TBC1D4: variants seen among roughly 807,000 people sequenced by gnomAD.
TBC1D4 encodes the protein TBC1 domain family member 4.
TBC1D4 carries 121 observed loss-of-function variants against 142.5 expected under a neutral mutation model. The observed-to-expected ratio is 0.85, with a 90% CI of 0.73 to 0.99. The LOEUF is 0.99. TBC1D4 is among the 50% of genes least tolerant of loss of function. The pLI is 0.00. For synonymous variants in TBC1D4, 630 were observed against 628.2 expected (o/e 1.00, Z -0.04); for missense variants, 1,475 against 1,606.6 (o/e 0.92, Z 1.40).
intron 1 of TBC1D4, among the ~76,000 whole-genome samples, chr13:75,390,275 G>A (rs563280154): frequency 5.8e-3 from 115 of 19,760 alleles, no homozygotes; most frequent in South Asian, 0.015. Flanking sequence ...GAGAGACTCC[G>A]TCAAAAAAAA....
At chr13:75,461,293 G>C (rs1887956307) in intron 1 of TBC1D4, among the ~76,000 whole-genome samples, 5 of 152,248 alleles carry the variant, frequency 3.3e-5, no homozygotes, top group Admixed American at 2.6e-4. Flanking sequence ...ATGCAAGTAA[G>C]GGCTTAAGAG....
chr13:75,459,327 C>G (rs903102670), intron 1 of TBC1D4, among the ~76,000 whole-genome samples: 4 of 152,144 alleles, frequency 2.6e-5, no homozygotes, highest in Admixed American at 2.0e-4. Flanking sequence ...TATTCCTTGC[C>G]TAATACCTAA....
intron 17 of TBC1D4, among the ~76,000 whole-genome samples, chr13:75,297,430 T>C (rs1379398060): frequency 6.6e-6 from 1 of 152,154 alleles, no homozygotes; most frequent in African/African-American, 2.4e-5. Context: ...ATTGAATTCC[T>C]TACAAGACCA....
chr13:75,312,497 C>A (rs1877875970), intron 13 of TBC1D4, among the ~76,000 whole-genome samples: 1 of 151,734 alleles, frequency 6.6e-6, no homozygotes, highest in Non-Finnish European at 1.5e-5. Flanking sequence ...TTCCGTCTAC[C>A]TTGTGGAGTA....
chr13:75,440,889 T>C (rs1887010943), intron 1 of TBC1D4, among the ~76,000 whole-genome samples: 1 of 152,130 alleles, frequency 6.6e-6, no homozygotes, highest in East Asian at 1.9e-4. Flanking sequence ...TATTTTAATA[T>C]TAATTTATAA....
At chr13:75,340,117 A>AGGACATGAT (rs1880556909) in intron 7 of TBC1D4, among the ~76,000 whole-genome samples, 1 of 149,070 alleles carries the variant, frequency 6.7e-6, no homozygotes, top group Non-Finnish European at 1.5e-5. Context: ...TTCTCTGGAG[A>AGGACATGAT]GGACATGATT....
chr13:75,334,854 T>C (rs1880065280), intron 8 of TBC1D4, among the ~76,000 whole-genome samples: 1 of 152,190 alleles, frequency 6.6e-6, no homozygotes, highest in East Asian at 1.9e-4. Context: ...TACCTCCAAG[T>C]TGAATCCAAC....
rs760098691 is a variant in TBC1D4, at chr13:75,349,163, A to C, written c.1408+7T>G. The C allele has an allele frequency of 1.2e-6, 2 of 1,613,988 alleles. No homozygotes were observed. The highest frequency in any genetic ancestry group is 1.7e-6 in the Non-Finnish European group (2 of 1,179,904). On this transcript the variant is annotated splice_region_variant and intron_variant, in intron 5 of 20. Coordinates refer to ENST00000377636, the MANE Select transcript of TBC1D4 (RefSeq NM_014832.5). ...TTCTCTTTTGCCAAAGCCACATTAA[A>C]CTGTACCTTCAATCCTTTCACAGAG...
At chr13:75,417,210 G>A (rs1389508643) in intron 1 of TBC1D4, among the ~76,000 whole-genome samples, 1 of 152,044 alleles carries the variant, frequency 6.6e-6, no homozygotes, top group Non-Finnish European at 1.5e-5. Context: ...CTGCCCCCTC[G>A]CTGAAATGGG....
Position 75,362,423 on chromosome 13 carries a change from T to C in TBC1D4, c.683A>G (p.Lys228Arg), listed in dbSNP as rs940019666. Reference protein sequence around the residue: ...PSSLIDDCMEKFSLHEQQRLK... With the variant: ...PSSLIDDCMERFSLHEQQRLK... ...GCGCTGCTGTTCGTGCAGGCTGAAC[T>C]TCTCCATGCAGTCATCGATGAGGCT... Residue 228 changes from lysine (K) to arginine (R), a missense_variant, in exon 2 of 21, where the codon AAG (lysine) becomes AGG (arginine). Coordinates refer to ENST00000377636, the MANE Select transcript of TBC1D4 (RefSeq NM_014832.5). The surrounding 1 kb of genome is among the most constrained non-coding windows in gnomAD (Gnocchi z 4.2). 1.9e-6 allele frequency: 3 copies of C among 1,614,114 alleles called. No homozygotes were observed. Among genetic ancestry groups the C allele is most frequent in the Non-Finnish European group, 2.5e-6 (3 of 1,180,042 alleles).
chr13:75,287,098 C>A, intron 20 of TBC1D4, 73 bp from the exon 21 acceptor site: 1 of 1,225,540 alleles, frequency 8.2e-7, no homozygotes, highest in Non-Finnish European at 1.2e-6. Flanking sequence ...CACATATTAA[C>A]CAATTACTTC....
At chr13:75,379,885 CTCTTTTTTTTTTTTTTTTTT>C (rs1286888467) in intron 1 of TBC1D4, among the ~76,000 whole-genome samples, 4 of 98,536 alleles carry the variant, frequency 4.1e-5, no homozygotes, top group Non-Finnish European at 6.0e-5. Flanking sequence ...GTTCATCTGA[CTCTTTTTTTTTTTTTTTTTT>C]TTTTTTTTTT....
intron 1 of TBC1D4, among the ~76,000 whole-genome samples, chr13:75,472,526 G>A (rs1397373805): frequency 3.9e-5 from 6 of 152,086 alleles, no homozygotes; most frequent in Non-Finnish European, 8.8e-5. Flanking sequence ...AATTCCATAC[G>A]ACAGCCAAAA....
intron 1 of TBC1D4, among the ~76,000 whole-genome samples, chr13:75,473,769 T>G (rs1352129331): frequency 6.6e-6 from 1 of 152,190 alleles, no homozygotes; most frequent in Non-Finnish European, 1.5e-5. Flanking sequence ...GGCAAGATTA[T>G]CTGAAATGAA....
chr13:75,306,313 C>G lies in TBC1D4; in HGVS notation c.2752G>C (p.Gly918Arg). ...MEDIHTLLKE[G>R]VPKSRRGEIW... ...AAATTACTGAGATTATCCCAAATAC[C>G]TTCTTTAAGAAGAGTATGAATATCT... is the stretch of plus-strand genomic sequence containing the variant. The change falls in exon 15 of 21, where the codon GGA (glycine) becomes CGA (arginine). Residue 918 changes from glycine (G) to arginine (R), a missense_variant and splice_region_variant. Gly to Arg is a moderately radical substitution (Grantham distance 125). Transcript: ENST00000377636. 6.2e-7 allele frequency: 1 copy of G among 1,607,138 alleles called. No homozygotes were observed. The highest frequency in any genetic ancestry group is 8.5e-7 in the Non-Finnish European group (1 of 1,178,396).
intron 1 of TBC1D4, among the ~76,000 whole-genome samples, chr13:75,422,039 C>T (rs1217729950): frequency 6.6e-6 from 1 of 152,186 alleles, no homozygotes; most frequent in Admixed American, 6.5e-5. Context: ...AGTGATCCTC[C>T]CACCTTGGCC....
At chr13:75,461,828 CT>C (rs1887981275) in intron 1 of TBC1D4, among the ~76,000 whole-genome samples, 1 of 152,208 alleles carries the variant, frequency 6.6e-6, no homozygotes, top group South Asian at 2.1e-4. Context: ...TTCCACATTT[CT>C]TGAAACCAAT....
intron 1 of TBC1D4, among the ~76,000 whole-genome samples, chr13:75,476,353 A>T (rs953880844): frequency 2.0e-5 from 3 of 152,208 alleles, no homozygotes; most frequent in Admixed American, 6.5e-5. Flanking sequence ...GTGTGTTTTG[A>T]CTGTGATCTC....
At chr13:75,444,373 C>G in intron 1 of TBC1D4, among the ~76,000 whole-genome samples, 1 of 152,214 alleles carries the variant, frequency 6.6e-6, no homozygotes, top group Admixed American at 6.5e-5. Context: ...GCGATCGCCC[C>G]TCTTTGGCCT....
Sources: gnomAD v4.1 joint callset for allele counts (sites outside exome capture counted in the v4.1 genomes callset) on GRCh38, gnomAD v4.1.1 for gene constraint, Gnocchi (gnomAD v3.1) non-coding constraint, MANE v1.5 for transcripts, NCBI Gene and HGNC (gene_info 2026-07-23, HGNC 2026-07-21) for gene names.